ADAM22: variants seen among roughly 807,000 people sequenced by gnomAD.
The protein encoded by ADAM22 is ADAM metallopeptidase domain 22.
Under a neutral mutation model 144.6 loss-of-function variants are expected in ADAM22, and 65 were observed. The observed-to-expected ratio is 0.45, with a 90% CI of 0.37 to 0.55. The LOEUF is 0.55. Among genes scored for constraint, ADAM22 ranks in the 20% least tolerant of loss-of-function variants. ADAM22 has a pLI of 0.00. For missense variants in ADAM22, 974 were observed against 1,184.9 expected (o/e 0.82, Z 2.61); for synonymous variants, 391 against 412.6 (o/e 0.95, Z 0.63).
chr7:88,013,948 C>T (rs1353189154), intron 3 of ADAM22, among the ~76,000 whole-genome samples: 1 of 152,106 alleles, frequency 6.6e-6, no homozygotes, highest in Non-Finnish European at 1.5e-5. Context: ...TATCTGAGTA[C>T]CACTATCTTT....
intron 16 of ADAM22, 63 bp from the exon 17 acceptor site, chr7:88,145,352 T>C: frequency 2.0e-6 from 3 of 1,503,070 alleles, no homozygotes; most frequent in African/African-American, 1.4e-5. Context: ...TTAGAAAATA[T>C]CCTGTTACTT....
chr7:88,001,260 C>A (rs1460219595), intron 3 of ADAM22, among the ~76,000 whole-genome samples: 1 of 152,102 alleles, frequency 6.6e-6, no homozygotes, highest in Non-Finnish European at 1.5e-5. Flanking sequence ...GGAAATAGCA[C>A]CCAATTCTAA....
chr7:88,186,738 T>C (rs1220437368), intron 30 of ADAM22, 37 bp downstream of exon 30: 5 of 1,284,574 alleles, frequency 3.9e-6, no homozygotes, highest in Non-Finnish European at 5.7e-6. Flanking sequence ...CTTCTCAAAC[T>C]CTCCCAGCAC....
At chr7:88,114,488 A>G in intron 5 of ADAM22, 96 bp from the exon 6 acceptor site, 1 of 1,131,996 alleles carries the variant, frequency 8.8e-7, no homozygotes, top group Non-Finnish European at 1.3e-6. Flanking sequence ...GGCATTGAGA[A>G]GCAAATGGGC....
intron 3 of ADAM22, among the ~76,000 whole-genome samples, chr7:87,991,246 A>T (rs1789760151): frequency 1.3e-5 from 2 of 151,358 alleles, no homozygotes; most frequent in South Asian, 4.1e-4. Flanking sequence ...TATGGTGACT[A>T]GTTTATAGAC....
At chr7:88,130,248 C>T in intron 9 of ADAM22, 140 bp from the exon 10 acceptor site, 2 of 636,810 alleles carry the variant, frequency 3.1e-6, no homozygotes, top group South Asian at 2.2e-5. Context: ...CATTGTTTTA[C>T]AGACAACACA....
chr7:88,078,627 AT>A (rs1410690625), intron 4 of ADAM22, among the ~76,000 whole-genome samples: 1 of 152,236 alleles, frequency 6.6e-6, no homozygotes, highest in African/African-American at 2.4e-5. Flanking sequence ...GATAACTAGA[AT>A]AACCAATGCA....
chr7:87,943,227 G>A (rs1245103132), intron 2 of ADAM22, among the ~76,000 whole-genome samples: 6 of 150,842 alleles, frequency 4.0e-5, no homozygotes, highest in Non-Finnish European at 8.9e-5. Context: ...TGATTTACAT[G>A]CATTATCTCT....
chr7:88,186,686 A>C lies in ADAM22; in HGVS notation c.2735A>C (p.Glu912Ala). ...KWVEDVNKNT[E>A]GPYFRTLSPA... ...GTAGAAGATGTGAATAAAAACACTG[A>C]AGGACCATACTTTAGGTATTTTATA... is the stretch of plus-strand genomic sequence containing the variant. The change falls in exon 30 of 32, where the codon GAA becomes GCA. Residue 912 changes from glutamate (E) to alanine (A), a missense_variant. This residue lies in a region of ADAM22 where 734 missense variants were observed against 950.6 expected (regional missense o/e 0.77). Transcript: ENST00000413139. 2 of 1,602,366 alleles carry C rather than the reference A, an allele frequency of 1.2e-6. No individual in the cohort carries two copies. The highest frequency in any genetic ancestry group is 1.7e-6 in the Non-Finnish European group (2 of 1,169,470).
At chr7:88,064,574 T>A (rs1038702100) in intron 3 of ADAM22, among the ~76,000 whole-genome samples, 1 of 152,144 alleles carries the variant, frequency 6.6e-6, no homozygotes, top group Non-Finnish European at 1.5e-5. Flanking sequence ...GCAGATTCAG[T>A]GTCTGGTAAG....
rs150644687 is a variant in ADAM22 at position 87,997,941 on chromosome 7, G to A, written c.323+19529G>A. 2.3e-3 allele frequency among the ~76,000 whole-genome samples: 347 copies of A among 152,306 alleles called. 2 individuals are homozygous for A. Among genetic ancestry groups the A allele is most frequent in the African/African-American group, 7.8e-3 (324 of 41,564 alleles). ...CAAGCTGAGGAGCAAGGAAGCCAGT[G>A]CCAGTCCCAAAACCTCAAAAGTAGG... On this transcript the variant is annotated intron_variant, in intron 3 of 31. Transcript: ENST00000413139.
intron 20 of ADAM22, 40 bp from the exon 21 acceptor site, chr7:88,153,181 C>G (rs749775730): frequency 7.6e-6 from 11 of 1,444,970 alleles, no homozygotes; most frequent in African/African-American, 1.4e-5. Flanking sequence ...GCAGCCAAAT[C>G]GTACTTCCCT....
intron 2 of ADAM22, among the ~76,000 whole-genome samples, chr7:87,951,179 G>A (rs78527031): frequency 0.59 from 86,037 of 144,682 alleles, 26,832 homozygotes; most frequent in African/African-American, 0.78. Context: ...TTTTGTTGCC[G>A]TTGCTTTTGG....
intron 27 of ADAM22, 35 bp downstream of exon 27, chr7:88,179,164 A>C: frequency 1.3e-6 from 1 of 787,390 alleles, no homozygotes; most frequent in Middle Eastern, 2.3e-4. Flanking sequence ...TTGAATGTTA[A>C]AAAATAGTAT....
intron 3 of ADAM22, among the ~76,000 whole-genome samples, chr7:88,023,308 A>T (rs566708750): frequency 1.3e-4 from 20 of 152,216 alleles, no homozygotes. Context: ...TTCAAGGATT[A>T]TATGAAATAC....
At chr7:88,142,913 CTT>C in intron 14 of ADAM22, 111 bp from the exon 15 acceptor site, 1 of 608,834 alleles carries the variant, frequency 1.6e-6, no homozygotes, top group South Asian at 2.2e-5. Flanking sequence ...CATAAGTAGA[CTT>C]TATTCCCTCA....
intron 4 of ADAM22, among the ~76,000 whole-genome samples, chr7:88,093,904 C>T (rs562413502): frequency 5.9e-5 from 9 of 152,190 alleles, no homozygotes; most frequent in African/African-American, 2.2e-4. Context: ...AGCAGATGGA[C>T]TTGATTTTCC....
At chr7:87,957,020 G>A (rs1846949035) in intron 2 of ADAM22, among the ~76,000 whole-genome samples, 1 of 152,112 alleles carries the variant, frequency 6.6e-6, no homozygotes, top group Non-Finnish European at 1.5e-5. Context: ...TGCCTATGGT[G>A]CACTCAAGTG....
At chr7:88,035,873 G>C (rs1231674038) in intron 3 of ADAM22, among the ~76,000 whole-genome samples, 16 of 152,160 alleles carry the variant, frequency 1.1e-4, no homozygotes, top group Non-Finnish European at 5.9e-5. Context: ...TAACTAGAGT[G>C]CTGTCTTCTG....
Sources: allele counts gnomAD v4.1 joint callset (sites outside exome capture counted in the v4.1 genomes callset), GRCh38; gene constraint gnomAD v4.1.1; regional missense constraint gnomAD v4.1.1; transcripts MANE v1.5; gene names NCBI Gene and HGNC (gene_info 2026-07-23, HGNC 2026-07-21).